Variants in GAPVD1 observed in about 807,000 individuals in gnomAD.
GAPVD1 encodes GTPase activating protein and VPS9 domains 1.
GAPVD1 carries 35 observed loss-of-function variants against 155.5 expected under a neutral mutation model. The ratio of observed to expected loss-of-function variants is 0.23; its 90% CI spans 0.17 to 0.30. GAPVD1 has a LOEUF of 0.30. GAPVD1 is among the 10% of genes least tolerant of loss of function. The pLI, the probability that GAPVD1 is intolerant of heterozygous loss-of-function variation, is 1.00. For synonymous variants in GAPVD1, 636 were observed against 619.7 expected (o/e 1.03, Z -0.39); for missense variants, 1,429 against 1,775.7 (o/e 0.80, Z 3.51).
chr9:125,280,678 C>T (rs1213289492), intron 2 of GAPVD1, among the ~76,000 whole-genome samples: 4 of 151,390 alleles, frequency 2.6e-5, no homozygotes, highest in African/African-American at 7.3e-5. Context: ...TGGGTTCACG[C>T]CATTCTCCCA....
At chr9:125,327,578 A>G (rs1310819842) in intron 12 of GAPVD1, among the ~76,000 whole-genome samples, 1 of 152,110 alleles carries the variant, frequency 6.6e-6, no homozygotes, top group East Asian at 1.9e-4. Flanking sequence ...ATCTCAGCTC[A>G]CTGCAACCTC....
chr9:125,331,790 C>G (rs1365951733), intron 13 of GAPVD1, 136 bp from the exon 14 acceptor site: 2 of 713,200 alleles, frequency 2.8e-6, no homozygotes, highest in Admixed American at 4.8e-5. Flanking sequence ...CTAGCATTAA[C>G]TAGTCCAGAC....
chr9:125,278,820 G>A (rs986250032), intron 2 of GAPVD1, among the ~76,000 whole-genome samples: 2 of 151,442 alleles, frequency 1.3e-5, no homozygotes, highest in African/African-American at 4.8e-5. Context: ...GGGTGACAGA[G>A]CAAGATGCTG....
intron 15 of GAPVD1, among the ~76,000 whole-genome samples, chr9:125,336,308 AAAAAC>A (rs1564424025): frequency 6.6e-6 from 1 of 151,582 alleles, no homozygotes; most frequent in Non-Finnish European, 1.5e-5. Context: ...AAAAAAAACA[AAAAAC>A]AAAAAATAGC....
Position 125,302,067 on chromosome 9 carries a change from A to G in GAPVD1, c.270A>G (p.Gly90=), listed in dbSNP as rs189864018. 6 of 1,611,434 alleles carry G rather than the reference A, an allele frequency of 3.7e-6. No homozygotes were observed. In the East Asian group the frequency reaches 1.1e-4, roughly 30 times the overall value. ...TQFVDGYKQL[G]FQETAYGEFL... ...TTGTTGATGGGTATAAGCAATTGGGATTTCAGGAGACTGCTTATGGAGAAT... is the reference window on the plus strand; with the variant it reads ...TTGTTGATGGGTATAAGCAATTGGGGTTTCAGGAGACTGCTTATGGAGAAT... Residue 90 remains glycine, a synonymous_variant, in exon 5 of 28, where the codon GGA becomes GGG. Transcript: ENST00000297933.
rs568392947 is a variant in GAPVD1, at chr9:125,305,617, C to T, written c.1116+468C>T. ...AACTCATGGCCTCGTGATCCACCTG[C>T]CTCGGCCTCCCAAAGTGCTAGGATT... is the stretch of plus-strand genomic sequence containing the variant. On this transcript the variant is annotated intron_variant, in intron 6 of 27. Coordinates refer to ENST00000297933, the MANE Select transcript of GAPVD1 (RefSeq NM_001282680.3). 2.3e-4 allele frequency among the ~76,000 whole-genome samples: 35 copies of T among 152,236 alleles called. 1 individual carries two copies. The South Asian group carries it at 5.4e-3, about 23-fold the overall frequency.
intron 13 of GAPVD1, among the ~76,000 whole-genome samples, chr9:125,330,481 G>C (rs1428878137): frequency 6.6e-6 from 1 of 151,812 alleles, no homozygotes; most frequent in Non-Finnish European, 1.5e-5. Context: ...ACCATGCCGG[G>C]TAATTTTTGT....
chr9:125,352,933 T>C (rs1219703981), intron 23 of GAPVD1, among the ~76,000 whole-genome samples: 7 of 151,948 alleles, frequency 4.6e-5, no homozygotes, highest in Non-Finnish European at 7.4e-5. Context: ...ATGGTGAAAC[T>C]CTGTCTCTCC....
chr9:125,297,218 G>A (rs931277534), intron 3 of GAPVD1, among the ~76,000 whole-genome samples: 3 of 152,150 alleles, frequency 2.0e-5, no homozygotes, highest in African/African-American at 4.8e-5. Context: ...CTCCTGCTGT[G>A]AACTAGGCCG....
At chr9:125,262,217 G>A (rs1036029695) in intron 1 of GAPVD1, among the ~76,000 whole-genome samples, 2 of 152,178 alleles carry the variant, frequency 1.3e-5, no homozygotes, top group Non-Finnish European at 2.9e-5. Flanking sequence ...ACGCGTGGGG[G>A]ATGGGATGGG....
intron 10 of GAPVD1, among the ~76,000 whole-genome samples, 168 bp from the exon 11 acceptor site, chr9:125,323,630 G>A (rs1335060872): frequency 6.6e-6 from 1 of 152,110 alleles, no homozygotes; most frequent in Admixed American, 6.5e-5. Context: ...AGCACCTTAG[G>A]ATAAATTCCT....
intron 23 of GAPVD1, among the ~76,000 whole-genome samples, chr9:125,354,173 C>G (rs1422320745): frequency 1.3e-5 from 2 of 152,112 alleles, no homozygotes; most frequent in Admixed American, 6.6e-5. Flanking sequence ...GAGGAGGCTT[C>G]AAGGCTTAGG....
In GAPVD1 at chr9:125,302,563, G is replaced by A; in HGVS notation, c.766G>A (p.Ala256Thr). The part of the protein sequence containing the change: ...KVQEMVESNE[A>T]KLVALVNKFI... The stretch of plus-strand genomic sequence containing the variant: ...TCAAGAAATGGTGGAGTCCAATGAA[G>A]CAAAGCTAGTGGCTTTGGTGAACAA... The change falls in exon 5 of 28, where the codon GCA (alanine) becomes ACA (threonine). Residue 256 changes from alanine to threonine, a missense_variant. Ala to Thr is a moderately conservative substitution (Grantham distance 58, BLOSUM62 0). Coordinates refer to ENST00000297933, the MANE Select transcript of GAPVD1 (RefSeq NM_001282680.3). The A allele has an allele frequency of 1.2e-6, 2 of 1,613,220 alleles. No individual in the cohort carries two copies. Among genetic ancestry groups the A allele is most frequent in the Non-Finnish European group, 1.7e-6 (2 of 1,179,144 alleles).
chr9:125,313,399 A>G (rs1197132530), intron 9 of GAPVD1, among the ~76,000 whole-genome samples: 2 of 146,140 alleles, frequency 1.4e-5, no homozygotes, highest in Admixed American at 1.4e-4. Context: ...TGCCTCCCGG[A>G]TTCACACTGT....
chr9:125,328,080 G>C (rs1845460557), intron 12 of GAPVD1, among the ~76,000 whole-genome samples: 1 of 150,434 alleles, frequency 6.6e-6, no homozygotes, highest in Non-Finnish European at 1.5e-5. Context: ...TCTTTTATTA[G>C]GTTTAATCCA....
At chr9:125,340,546 C>A (rs1847705018) in intron 17 of GAPVD1, among the ~76,000 whole-genome samples, 1 of 152,068 alleles carries the variant, frequency 6.6e-6, no homozygotes, top group African/African-American at 2.4e-5. Context: ...TGAGATTATA[C>A]ATATCCTTAC....
chr9:125,318,759 TA>T (rs1199928565), intron 9 of GAPVD1, among the ~76,000 whole-genome samples: 1 of 151,172 alleles, frequency 6.6e-6, no homozygotes, highest in Non-Finnish European at 1.5e-5. Context: ...TCTACAAAAA[TA>T]AAAAAATTTC....
At chr9:125,324,520 C>T (rs1170295160) in intron 11 of GAPVD1, among the ~76,000 whole-genome samples, 2 of 151,894 alleles carry the variant, frequency 1.3e-5, no homozygotes, top group South Asian at 2.1e-4. Flanking sequence ...ACCCAGGAGG[C>T]GGAGGTTGCG....
At chr9:125,276,491 C>A (rs1835809801) in intron 2 of GAPVD1, among the ~76,000 whole-genome samples, 1 of 152,138 alleles carries the variant, frequency 6.6e-6, no homozygotes, top group Non-Finnish European at 1.5e-5. Flanking sequence ...GAGTTTGAGA[C>A]CAGCCTGAGC....
Sources: allele counts gnomAD v4.1 joint callset (sites outside exome capture counted in the v4.1 genomes callset), GRCh38; gene constraint gnomAD v4.1.1; transcripts MANE v1.5; gene names NCBI Gene and HGNC (gene_info 2026-07-23, HGNC 2026-07-21).